The following PXN variants were observed in gnomAD, a reference collection of about 807,000 sequenced individuals.
PXN encodes the protein testicular tissue protein Li 134.
PXN carries 61 observed loss-of-function variants against 103.6 expected under a neutral mutation model. The observed-to-expected ratio is 0.59, with a 90% confidence interval of 0.48 to 0.73. The LOEUF is 0.73. PXN is among the 30% of genes least tolerant of loss of function. The probability of loss-of-function intolerance (pLI) is 0.00; values close to 1 mark genes in which losing one functional copy is unlikely to be tolerated. For synonymous variants in PXN, 562 were observed against 607.8 expected (o/e 0.92, Z 1.11); for missense variants, 1,274 against 1,460.3 (o/e 0.87, Z 2.08).
intron 1 of PXN, among the ~76,000 whole-genome samples, chr12:120,259,847 A>G (rs1893590940): frequency 6.6e-6 from 1 of 152,212 alleles, no homozygotes; most frequent in Non-Finnish European, 1.5e-5. Context: ...TGCTTTGTGA[A>G]CATTTCTGAG....
rs1364489163 is a variant in PXN, at chr12:120,221,712, C to T, written c.742G>A (p.Val248Ile). Residue 248 changes from valine (V) to isoleucine (I), a missense_variant, in exon 6 of 15, where the codon GTC (valine) becomes ATC (isoleucine). Coordinates refer to ENST00000637617, the MANE Select transcript of PXN (RefSeq NM_001385981.1). This position sits in a 1 kb window ranked among gnomAD's most constrained non-coding sequence, Gnocchi z 6.6. ...NQGEMSSPQR[V>I]TSTQQQTRIS... ...CGTGTCTGCTGTTGGGTGGAGGTGA[C>T]GCGCTGCGGGCTGCTCATCTCGCCC... 3 of 1,571,624 alleles carry T rather than the reference C, an allele frequency of 1.9e-6. No homozygotes were observed. Among genetic ancestry groups the T allele is most frequent in the African/African-American group, 1.4e-5 (1 of 73,984 alleles).
chr12:120,213,822 TGTG>T lies in PXN; in HGVS notation c.2979+17_2979+19del, dbSNP rs1383174078. The T allele has an allele frequency of 6.2e-7, 1 of 1,605,174 alleles. No individual in the cohort carries two copies. The highest frequency in any genetic ancestry group is 8.5e-7 in the Non-Finnish European group (1 of 1,176,030). On this transcript the variant is annotated intron_variant, in intron 14 of 14. Coordinates refer to ENST00000637617, the MANE Select transcript of PXN (RefSeq NM_001385981.1). This position sits in a 1 kb window ranked among gnomAD's most constrained non-coding sequence, Gnocchi z 4.2. Reference sequence around the variant, plus strand: ...ACTGCCTGCTCCTCGCCCCTCCAGATGTGGTCAGGGGCTCCTTACCCGGCACAC... The same window carrying T: ...ACTGCCTGCTCCTCGCCCCTCCAGATGTCAGGGGCTCCTTACCCGGCACAC...
In PXN at chr12:120,219,648, C is replaced by T. The variant is rs771359040; in HGVS notation, c.1275G>A (p.Ser425=). 48 of 1,578,970 alleles carry T rather than the reference C, an allele frequency of 3.0e-5. No homozygotes were observed. The highest frequency in any genetic ancestry group is 2.0e-4 in the African/African-American group (15 of 74,444). The change falls in exon 7 of 15, where the codon TCG becomes TCA. Residue 425 remains serine, a synonymous_variant. Transcript: ENST00000637617. The surrounding 1 kb of genome is among the most constrained non-coding windows in gnomAD (Gnocchi z 6.5). ...GEPQGPPASP[S]CPEEALAATW... ...TGGCAGCCAAGGCCTCCTCTGGGCA[C>T]GAAGGGCTGGCTGGTGGCCCCTGGG... is the stretch of plus-strand genomic sequence containing the variant.
At chr12:120,232,395 T>A (rs1167134798) in intron 1 of PXN, among the ~76,000 whole-genome samples, 2 of 152,136 alleles carry the variant, frequency 1.3e-5, no homozygotes, top group East Asian at 3.9e-4. Flanking sequence ...CCTCCAGAGG[T>A]CCCAGAACAT....
intron 1 of PXN, among the ~76,000 whole-genome samples, chr12:120,243,030 G>T (rs1890425980): frequency 1.3e-5 from 2 of 152,120 alleles, no homozygotes; most frequent in African/African-American, 4.8e-5. Flanking sequence ...TGTGGCTCAG[G>T]ATAAGTTTGA....
rs779456462 is a variant in PXN, at chr12:120,213,794, C to T, written c.2979+48G>A. On this transcript the variant is annotated intron_variant, in intron 14 of 14. Coordinates refer to ENST00000637617, the MANE Select transcript of PXN (RefSeq NM_001385981.1). This position sits in a 1 kb window ranked among gnomAD's most constrained non-coding sequence, Gnocchi z 4.2. The stretch of plus-strand genomic sequence containing the variant: ...GCACAATGAGGAAGACCCCTCTCTC[C>T]CCACTGCCTGCTCCTCGCCCCTCCA... 5.7e-6 allele frequency: 9 copies of T among 1,578,814 alleles called. No individual in the cohort carries two copies. Among genetic ancestry groups the T allele is most frequent in the Non-Finnish European group, 5.2e-6 (6 of 1,162,482 alleles).
At chr12:120,253,664 GA>G (rs1480294197) in intron 1 of PXN, among the ~76,000 whole-genome samples, 1 of 152,068 alleles carries the variant, frequency 6.6e-6, no homozygotes, top group African/African-American at 2.4e-5. Context: ...GTGGCTATCA[GA>G]ACCATATAAA....
rs1302253117 is a variant in PXN, at chr12:120,222,424, C to G, written c.695+125G>C. On this transcript the variant is annotated intron_variant, in intron 5 of 14. Transcript: ENST00000637617. This position sits in a 1 kb window ranked among gnomAD's most constrained non-coding sequence, Gnocchi z 4.7. ...TCCATGTGACTCACCACTATCCCCCCAGTGCCTGGCAAATGGCAGACACGG... is the reference window on the plus strand; with the variant it reads ...TCCATGTGACTCACCACTATCCCCCGAGTGCCTGGCAAATGGCAGACACGG... 1 of 1,100,772 alleles carries G rather than the reference C, an allele frequency of 9.1e-7. No individual in the cohort carries two copies. The highest frequency in any genetic ancestry group is 1.3e-6 in the Non-Finnish European group (1 of 784,592). 68.2% of individuals were successfully genotyped at this position (1,100,772 alleles called of 1,614,324 possible).
rs1251278740 is a variant in PXN, at chr12:120,216,341, G to A, written c.2233C>T (p.Pro745Ser). The change falls in exon 9 of 15, where the codon CCT becomes TCT. Residue 745 changes from proline (P) to serine (S), a missense_variant. Coordinates refer to ENST00000637617, the MANE Select transcript of PXN (RefSeq NM_001385981.1). This position sits in a 1 kb window ranked among gnomAD's most constrained non-coding sequence, Gnocchi z 5.1. ...EGVQGPALPI[P>S]APHTMRSVGC... Reference sequence around the variant, plus strand: ...ACGGACCTCATGGTGTGGGGTGCAGGAATGGGAAGGGCAGGGCCCTGCACC... The same window carrying A: ...ACGGACCTCATGGTGTGGGGTGCAGAAATGGGAAGGGCAGGGCCCTGCACC... The A allele has an allele frequency of 7.7e-7, 1 of 1,291,972 alleles. No individual in the cohort carries two copies. Among genetic ancestry groups the A allele is most frequent in the Non-Finnish European group, 9.8e-7 (1 of 1,024,922 alleles). The allele number at this position is 1,291,972 out of a possible 1,614,324, so 80.0% of individuals were successfully genotyped here.
Position 120,222,811 on chromosome 12 carries a change from A to T in PXN, c.493+52T>A, listed in dbSNP as rs565486144. 1.9e-6 allele frequency: 3 copies of T among 1,606,302 alleles called. No homozygotes were observed. Among genetic ancestry groups the T allele is most frequent in the Non-Finnish European group, 2.6e-6 (3 of 1,176,074 alleles). On this transcript the variant is annotated intron_variant, in intron 4 of 14. Transcript: ENST00000637617. The surrounding 1 kb of genome is among the most constrained non-coding windows in gnomAD (Gnocchi z 4.7). ...TGAGCCCTCCTGGGATCTAGAGGTCAGCAGATGGGCCCTGGGCCCTGGTAG... is the reference window on the plus strand; with the variant it reads ...TGAGCCCTCCTGGGATCTAGAGGTCTGCAGATGGGCCCTGGGCCCTGGTAG...
intron 1 of PXN, among the ~76,000 whole-genome samples, chr12:120,232,032 CT>C (rs1348404762): frequency 2.0e-5 from 3 of 152,188 alleles, no homozygotes; most frequent in African/African-American, 7.2e-5. Flanking sequence ...TCTTTCTCTT[CT>C]TTTTTTCTTT....
rs374050965 is a variant in PXN, at chr12:120,215,524, G to A, written c.2403+36C>T. On this transcript the variant is annotated intron_variant, in intron 10 of 14. Transcript: ENST00000637617. This position sits in a 1 kb window ranked among gnomAD's most constrained non-coding sequence, Gnocchi z 4.9. ...GCATGGCCAAGCCCAGGGAGAGCACGACACGCAGGACACCCAGCCCAGCCT... is the reference window on the plus strand; with the variant it reads ...GCATGGCCAAGCCCAGGGAGAGCACAACACGCAGGACACCCAGCCCAGCCT... The A allele has an allele frequency of 4.3e-4, 662 of 1,541,288 alleles. No individual in the cohort carries two copies. The highest frequency in any genetic ancestry group is 4.3e-4 in the Non-Finnish European group (488 of 1,146,046).
At position 120,216,434 on chromosome 12, in the gene PXN, C is replaced by G; in HGVS notation, c.2140G>C (p.Gly714Arg). 7.3e-7 allele frequency: 1 copy of G among 1,378,014 alleles called. No homozygotes were observed. The highest frequency in any genetic ancestry group is 9.3e-7 in the Non-Finnish European group (1 of 1,075,190). 85.4% of individuals were successfully genotyped at this position (1,378,014 alleles called of 1,614,324 possible). A position where few individuals can be genotyped will look rare whatever the true frequency, so the allele number is the denominator to read the frequency against. ...GAACCACAGGTATAAGCTGAGGGCC[C>G]CAGGGGGGAGGAGGCGAGCAGGCTG... ...LPSLLASSPL[G>R]PSAYTCGSSG... The change falls in exon 9 of 15, where the codon GGG (glycine) becomes CGG (arginine). Residue 714 changes from glycine to arginine, a missense_variant. This residue lies in a region of PXN where 1,178 missense variants were observed against 1,309.0 expected (regional missense o/e 0.90). Transcript: ENST00000637617. This position sits in a 1 kb window ranked among gnomAD's most constrained non-coding sequence, Gnocchi z 5.1.
chr12:120,252,804 G>GA (rs928208116), intron 1 of PXN, among the ~76,000 whole-genome samples: 6 of 152,000 alleles, frequency 3.9e-5, no homozygotes, highest in Admixed American at 2.6e-4. Context: ...TTTTTCAAAA[G>GA]AAACGACATG....
chr12:120,251,464 C>G (rs1892165074), intron 1 of PXN, among the ~76,000 whole-genome samples: 1 of 151,890 alleles, frequency 6.6e-6, no homozygotes, highest in Admixed American at 6.6e-5. Flanking sequence ...CTGCAGTGAG[C>G]TGAGATCACG....
In PXN at chr12:120,215,550, T is replaced by C; in HGVS notation, c.2403+10A>G. ...ACACGCAGGACACCCAGCCCAGCCTTGGCACTGACCCCTCCCTCGTCCTGC... is the reference window on the plus strand; with the variant it reads ...ACACGCAGGACACCCAGCCCAGCCTCGGCACTGACCCCTCCCTCGTCCTGC... On this transcript the variant is annotated intron_variant, in intron 10 of 14. Transcript: ENST00000637617. The surrounding 1 kb of genome is among the most constrained non-coding windows in gnomAD (Gnocchi z 4.9). The C allele has an allele frequency of 2.5e-6, 4 of 1,572,124 alleles. No homozygotes were observed. Among genetic ancestry groups the C allele is most frequent in the Non-Finnish European group, 3.4e-6 (4 of 1,161,428 alleles).
chr12:120,237,102 A>ATTGC (rs1188084913), intron 1 of PXN, among the ~76,000 whole-genome samples: 1 of 149,772 alleles, frequency 6.7e-6, no homozygotes, highest in Non-Finnish European at 1.5e-5. Flanking sequence ...GCACCTGGTC[A>ATTGC]TTGCTTGCTT....
rs1594334763 is a variant in PXN at position 120,214,320 on chromosome 12, A to G, written c.2749-103T>C. 1.0e-6 allele frequency: 1 copy of G among 958,928 alleles called. No individual in the cohort carries two copies. Among genetic ancestry groups the G allele is most frequent in the Non-Finnish European group, 1.6e-6 (1 of 623,634 alleles). 59.4% of individuals were successfully genotyped at this position (958,928 alleles called of 1,614,324 possible). A position where few individuals can be genotyped will look rare whatever the true frequency, so the allele number is the denominator to read the frequency against. On this transcript the variant is annotated intron_variant, in intron 12 of 14. Coordinates refer to ENST00000637617, the MANE Select transcript of PXN (RefSeq NM_001385981.1). The surrounding 1 kb of genome is among the most constrained non-coding windows in gnomAD (Gnocchi z 5.0). ...CCACCCGCAGCTCATAGCCATAGAC[A>G]GAGCAAAACACTCCCAAGATGGGGG...
intron 7 of PXN, among the ~76,000 whole-genome samples, chr12:120,218,482 T>A (rs1458842023): frequency 6.6e-6 from 1 of 152,214 alleles, no homozygotes; most frequent in Non-Finnish European, 1.5e-5. Flanking sequence ...CAAGTGATTC[T>A]CCTGCCTCAG....
Sources: gnomAD v4.1 joint callset for allele counts (sites outside exome capture counted in the v4.1 genomes callset) on GRCh38, gnomAD v4.1.1 for gene constraint, gnomAD v4.1.1 regional missense constraint, Gnocchi (gnomAD v3.1) non-coding constraint, MANE v1.5 for transcripts, NCBI Gene and HGNC (gene_info 2026-07-23, HGNC 2026-07-21) for gene names.